The following ITFG1 variants were observed in gnomAD, a reference collection of about 807,000 sequenced individuals.
ITFG1 encodes integrin alpha FG-GAP repeat containing 1.
A neutral mutation model predicts 81.8 loss-of-function variants in ITFG1; 34 were observed. That is an observed-to-expected ratio of 0.42 (90% CI 0.32 to 0.55). The LOEUF (loss-of-function observed/expected upper bound fraction) is 0.55, where lower values mean the gene tolerates loss of function less well. Ranked by LOEUF, ITFG1 falls within the 20% of genes least tolerant of loss-of-function variation. The pLI is 0.17. For missense variants in ITFG1, 672 were observed against 755.4 expected, an observed-to-expected ratio of 0.89 and a Z score of 1.29; for synonymous variants, 285 against 270.6, an observed-to-expected ratio of 1.05 and a Z score of -0.52.
intron 14 of ITFG1, among the ~76,000 whole-genome samples, chr16:47,169,644 T>G (rs1010879118): frequency 5.3e-5 from 8 of 152,180 alleles, no homozygotes; most frequent in African/African-American, 7.2e-5. Flanking sequence ...AGAAATCATT[T>G]TGCATGTTCC....
intron 14 of ITFG1, among the ~76,000 whole-genome samples, chr16:47,195,495 GT>G (rs558909808): frequency 4.0e-5 from 6 of 151,748 alleles, no homozygotes; most frequent in Non-Finnish European, 5.9e-5. Context: ...TTTAAACAAA[GT>G]TTTTTTTAGC....
rs542534220 is a variant in ITFG1 at position 47,326,636 on chromosome 16, C to G, written c.803-12813G>C. 2.8e-3 allele frequency among the ~76,000 whole-genome samples: 430 copies of G among 152,240 alleles called. 3 individuals are homozygous for G. Among genetic ancestry groups the G allele is most frequent in the African/African-American group, 9.8e-3 (408 of 41,542 alleles). On this transcript the variant is annotated intron_variant, in intron 8 of 17. Transcript: ENST00000320640. ...GCAACTTCAGCAAAGTCTCAGGATACAAAATCAATGTGCAAAAATCACAAG... is the reference window on the plus strand; with the variant it reads ...GCAACTTCAGCAAAGTCTCAGGATAGAAAATCAATGTGCAAAAATCACAAG...
chr16:47,399,427 G>A (rs1042677140), intron 6 of ITFG1, among the ~76,000 whole-genome samples: 8 of 152,162 alleles, frequency 5.3e-5, no homozygotes, highest in Non-Finnish European at 1.0e-4. Context: ...CAAACAATTA[G>A]CCGGGCGTGT....
intron 7 of ITFG1, among the ~76,000 whole-genome samples, chr16:47,368,472 G>A (rs567895168): frequency 5.0e-5 from 7 of 140,050 alleles, no homozygotes; most frequent in Admixed American, 3.8e-4. Flanking sequence ...GGAGAATCAC[G>A]TGAACCTGGG....
intron 6 of ITFG1, among the ~76,000 whole-genome samples, chr16:47,409,419 T>A (rs1402808548): frequency 2.7e-5 from 2 of 75,294 alleles, no homozygotes; most frequent in African/African-American, 1.0e-4. Context: ...TTTTTTTTTT[T>A]TTTTTTTTTT....
At chr16:47,261,147 G>A (rs1966205406) in intron 10 of ITFG1, among the ~76,000 whole-genome samples, 1 of 152,204 alleles carries the variant, frequency 6.6e-6, no homozygotes. Flanking sequence ...ATATTGCCAA[G>A]CATCTCTCAG....
intron 2 of ITFG1, among the ~76,000 whole-genome samples, chr16:47,454,670 T>A (rs1197170106): frequency 3.3e-5 from 5 of 152,186 alleles, no homozygotes; most frequent in African/African-American, 9.6e-5. Context: ...GAATTTTTTT[T>A]AACGAAACTT....
intron 6 of ITFG1, among the ~76,000 whole-genome samples, chr16:47,387,763 A>C (rs1968480835): frequency 6.6e-6 from 1 of 152,200 alleles, no homozygotes; most frequent in Non-Finnish European, 1.5e-5. Context: ...TGGAATGACC[A>C]TAACAATTAC....
intron 8 of ITFG1, among the ~76,000 whole-genome samples, chr16:47,316,663 C>A (rs1967364008): frequency 6.6e-6 from 1 of 152,150 alleles, no homozygotes; most frequent in African/African-American, 2.4e-5. Flanking sequence ...AGCCTCCTTT[C>A]ATTTGGAATG....
intron 5 of ITFG1, among the ~76,000 whole-genome samples, chr16:47,450,771 A>G (rs574902216): frequency 6.6e-6 from 1 of 152,226 alleles, no homozygotes; most frequent in South Asian, 2.1e-4. Flanking sequence ...TATGAAAAGT[A>G]TCTTGCTATC....
chr16:47,191,562 T>C (rs1156621752), intron 14 of ITFG1, among the ~76,000 whole-genome samples: 1 of 152,028 alleles, frequency 6.6e-6, no homozygotes, highest in Non-Finnish European at 1.5e-5. Context: ...TCAGAGCTCT[T>C]AGCATATTAA....
rs982409914 is a variant in ITFG1, at chr16:47,460,820, G to C, written c.208+18C>G. The C allele has an allele frequency of 1.2e-6, 2 of 1,611,572 alleles. No homozygotes were observed. Among genetic ancestry groups the C allele is most frequent in the African/African-American group, 2.7e-5 (2 of 75,028 alleles). On this transcript the variant is annotated intron_variant, in intron 1 of 17. Coordinates refer to ENST00000320640, the MANE Select transcript of ITFG1 (RefSeq NM_030790.5). ...GCACACGGACAGCGAACAGAGGGAG[G>C]GCCCGGCAAGCACTGACTTTCCCGC...
chr16:47,195,720 CTTT>C (rs1466008976), intron 14 of ITFG1, among the ~76,000 whole-genome samples: 5 of 152,032 alleles, frequency 3.3e-5, no homozygotes, highest in Non-Finnish European at 5.9e-5. Flanking sequence ...CCCTCACTTT[CTTT>C]TTGTTGTTGT....
chr16:47,317,763 T>C (rs1371891239), intron 8 of ITFG1: 3 of 152,206 alleles, frequency 2.0e-5, no homozygotes, highest in East Asian at 1.9e-4. Context: ...CTACTTCTAA[T>C]GTCTTGATCA....
intron 14 of ITFG1, among the ~76,000 whole-genome samples, chr16:47,173,131 A>G (rs2151510568): frequency 6.6e-6 from 1 of 152,306 alleles, no homozygotes; most frequent in Non-Finnish European, 1.5e-5. Context: ...TTCAAATGAT[A>G]TGTTCTCAGA....
chr16:47,343,707 G>A (rs930746115), intron 8 of ITFG1, among the ~76,000 whole-genome samples: 6 of 152,036 alleles, frequency 3.9e-5, no homozygotes, highest in Non-Finnish European at 7.4e-5. Context: ...AAGAAAACAC[G>A]TTAGTGATGA....
At chr16:47,329,279 T>C (rs778021132) in intron 8 of ITFG1, among the ~76,000 whole-genome samples, 11 of 152,120 alleles carry the variant, frequency 7.2e-5, no homozygotes, top group Non-Finnish European at 1.3e-4. Flanking sequence ...GAAAGGACAA[T>C]GGGAAAGATA....
At chr16:47,426,948 G>A (rs1317516286) in intron 6 of ITFG1, among the ~76,000 whole-genome samples, 1 of 152,150 alleles carries the variant, frequency 6.6e-6, no homozygotes, top group Non-Finnish European at 1.5e-5. Context: ...TGTAAAATCA[G>A]ACTGTTAAGT....
At chr16:47,190,817 G>A (rs1441839367) in intron 14 of ITFG1, among the ~76,000 whole-genome samples, 1 of 152,128 alleles carries the variant, frequency 6.6e-6, no homozygotes, top group Non-Finnish European at 1.5e-5. Flanking sequence ...GGGTTGACTG[G>A]GCAGTTTCTG....
Sources: allele counts gnomAD v4.1 joint callset (sites outside exome capture counted in the v4.1 genomes callset), GRCh38; gene constraint gnomAD v4.1.1; transcripts MANE v1.5; gene names NCBI Gene and HGNC (gene_info 2026-07-23, HGNC 2026-07-21).